Variants in IDO2 observed in about 807,000 individuals in gnomAD.
IDO2 encodes the protein indoleamine 2,3-dioxygenase 2, also known as indoleamine 2,3-dioxygenase-like 1 protein.
Under a neutral mutation model 45.1 loss-of-function variants are expected in IDO2, and 46 were observed. That is an observed-to-expected ratio of 1.02 (90% CI 0.80 to 1.30). IDO2 has a LOEUF of 1.30. IDO2 is among the 50% of genes most tolerant of loss of function. IDO2 has a pLI of 0.00. For synonymous variants in IDO2, 218 were observed against 184.9 expected, an observed-to-expected ratio of 1.18 and a Z score of -1.45; for missense variants, 544 against 491.8, an observed-to-expected ratio of 1.11 and a Z score of -1.00.
chr8:39,939,440 G>A (rs113192758), intron 1 of IDO2, among the ~76,000 whole-genome samples: 4 of 150,586 alleles, frequency 2.7e-5, no homozygotes, highest in African/African-American at 7.3e-5. Context: ...CCAGTTACTC[G>A]GGAGGCTGAG....
intron 9 of IDO2, among the ~76,000 whole-genome samples, chr8:40,009,644 C>G (rs1199357549): frequency 6.6e-6 from 1 of 152,136 alleles, no homozygotes; most frequent in Non-Finnish European, 1.5e-5. Context: ...AACACAATTT[C>G]CCTTCCTCAG....
At chr8:39,973,309 A>G (rs952087244) in intron 3 of IDO2, among the ~76,000 whole-genome samples, 1 of 152,188 alleles carries the variant, frequency 6.6e-6, no homozygotes, top group Non-Finnish European at 1.5e-5. Flanking sequence ...TTATATATAC[A>G]CACACATGCT....
At chr8:39,959,653 C>G (rs1048521229) in intron 2 of IDO2, among the ~76,000 whole-genome samples, 1 of 152,030 alleles carries the variant, frequency 6.6e-6, no homozygotes, top group Non-Finnish European at 1.5e-5. Flanking sequence ...AAAACCCCAT[C>G]TCTACTAAAG....
At position 40,004,720 on chromosome 8, in the gene IDO2, G is replaced by C. The variant is rs1362141061; in HGVS notation, c.668-607G>C. On this transcript the variant is annotated intron_variant, in intron 8 of 10. Transcript: ENST00000502986. ...AAATTTAGTACAAATAAGAGGGCAG[G>C]CTTCCTTACATACAAGTTAGTAAAC... Among the ~76,000 whole-genome samples, 6 of 152,208 alleles carry C rather than the reference G, an allele frequency of 3.9e-5. No homozygotes were observed. In the South Asian group the frequency reaches 1.0e-3, roughly 26 times the overall value.
chr8:39,984,356 T>TA (rs1808393881), intron 5 of IDO2, among the ~76,000 whole-genome samples: 1 of 152,142 alleles, frequency 6.6e-6, no homozygotes. Context: ...GTGCCTGCAA[T>TA]CCCAGCTACT....
intron 3 of IDO2, among the ~76,000 whole-genome samples, chr8:39,969,534 C>T (rs925413575): frequency 5.3e-5 from 8 of 152,184 alleles, no homozygotes; most frequent in Admixed American, 5.2e-4. Context: ...CTACAATGGC[C>T]TCTAAGTGTT....
intron 2 of IDO2, among the ~76,000 whole-genome samples, chr8:39,951,426 C>T (rs544679502): frequency 6.6e-6 from 1 of 152,022 alleles, no homozygotes; most frequent in Non-Finnish European, 1.5e-5. Flanking sequence ...ACTGGATGGA[C>T]GCCTGACATG....
intron 8 of IDO2, among the ~76,000 whole-genome samples, chr8:39,992,108 C>T (rs146278416): frequency 1.9e-3 from 292 of 152,366 alleles, no homozygotes; most frequent in Non-Finnish European, 3.3e-3. Context: ...CCATCCTGCG[C>T]GCTCCTCCAC....
At chr8:39,976,104 CAAG>C (rs1184635791) in intron 3 of IDO2, among the ~76,000 whole-genome samples, 3 of 152,060 alleles carry the variant, frequency 2.0e-5, no homozygotes, top group African/African-American at 2.4e-5. Flanking sequence ...CTCTGCCTCC[CAAG>C]TAGCTGGGAC....
intron 2 of IDO2, among the ~76,000 whole-genome samples, chr8:39,953,288 G>T (rs968306973): frequency 2.6e-5 from 4 of 152,150 alleles, no homozygotes; most frequent in Non-Finnish European, 5.9e-5. Context: ...CATGCAAGGT[G>T]GTTTAGAGTT....
chr8:39,950,568 C>T lies in IDO2; in HGVS notation c.99+1304C>T, dbSNP rs540112316. Reference sequence around the variant, plus strand: ...TGATCTCTCAGCAAAAGGACCTTTACTTTCTGCAGAAAGGGTGCTACTCAA... The same window carrying T: ...TGATCTCTCAGCAAAAGGACCTTTATTTTCTGCAGAAAGGGTGCTACTCAA... On this transcript the variant is annotated intron_variant, in intron 2 of 10. Coordinates refer to ENST00000502986, the Ensembl canonical transcript of IDO2. 3.9e-5 allele frequency among the ~76,000 whole-genome samples: 6 copies of T among 152,294 alleles called. No homozygotes were observed. The East Asian group carries it at 1.2e-3, about 29-fold the overall frequency.
At chr8:39,964,461 G>A (rs1808051925) in intron 3 of IDO2, among the ~76,000 whole-genome samples, 1 of 152,192 alleles carries the variant, frequency 6.6e-6, no homozygotes, top group South Asian at 2.1e-4. Context: ...CTTCTCTGTA[G>A]TCTCTTCTCC....
At chr8:39,970,672 T>C (rs1808163726) in intron 3 of IDO2, among the ~76,000 whole-genome samples, 1 of 151,530 alleles carries the variant, frequency 6.6e-6, no homozygotes, top group South Asian at 2.1e-4. Flanking sequence ...ATTACAGGCA[T>C]GAGCCACCAC....
At chr8:40,005,808 G>A (rs12682031) in intron 9 of IDO2, among the ~76,000 whole-genome samples, 70,008 of 151,972 alleles carry the variant, frequency 0.46, 16,763 homozygotes, top group South Asian at 0.54. Flanking sequence ...TTGAACGAAT[G>A]TGTCCCTCCA....
intron 2 of IDO2, among the ~76,000 whole-genome samples, chr8:39,959,140 C>T (rs1444896438): frequency 4.0e-5 from 6 of 149,014 alleles, no homozygotes; most frequent in East Asian, 2.0e-4. Context: ...GACAGTGTCT[C>T]GCTCTGTCGC....
chr8:39,985,823 A>C (rs1459356145), intron 6 of IDO2: 1 of 292,924 alleles, frequency 3.4e-6, no homozygotes, highest in Non-Finnish European at 6.3e-6. Context: ...AATTTCAGTA[A>C]CTCCTTGAAG....
At chr8:39,948,081 C>A (rs773073418) in intron 1 of IDO2, among the ~76,000 whole-genome samples, 1 of 152,054 alleles carries the variant, frequency 6.6e-6, no homozygotes, top group African/African-American at 2.4e-5. Context: ...TGAGCCACTG[C>A]GCCCAGCCTC....
chr8:39,959,748 A>G (rs2129593720), intron 2 of IDO2, among the ~76,000 whole-genome samples: 1 of 152,330 alleles, frequency 6.6e-6, no homozygotes, highest in South Asian at 2.1e-4. Flanking sequence ...TCTTGAACTC[A>G]GGAGGTGGAG....
At chr8:39,981,571 G>C (rs778460235) in intron 4 of IDO2, among the ~76,000 whole-genome samples, 20 of 152,080 alleles carry the variant, frequency 1.3e-4, no homozygotes, top group Non-Finnish European at 2.6e-4. Flanking sequence ...CCCCGCCTCA[G>C]ATCACCTTTC....
Sources: allele counts gnomAD v4.1 joint callset (sites outside exome capture counted in the v4.1 genomes callset), GRCh38; gene constraint gnomAD v4.1.1; transcripts MANE v1.5; gene names NCBI Gene and HGNC (gene_info 2026-07-23, HGNC 2026-07-21).